Variants in ALS2 observed in about 807,000 individuals in gnomAD.
ALS2 encodes the protein alsin Rho guanine nucleotide exchange factor ALS2, also known as alsin.
ALS2 carries 117 observed loss-of-function variants against 203.4 expected under a neutral mutation model. The ratio of observed to expected loss-of-function variants is 0.58; its 90% CI spans 0.50 to 0.67. ALS2 has a LOEUF of 0.67. Ranked by LOEUF, ALS2 falls within the 30% of genes least tolerant of loss-of-function variation. The pLI, the probability that ALS2 is intolerant of heterozygous loss-of-function variation, is 0.00. For missense variants in ALS2, 1,715 were observed against 1,989.4 expected, an observed-to-expected ratio of 0.86 and a Z score of 2.62; for synonymous variants, 718 against 725.9, an observed-to-expected ratio of 0.99 and a Z score of 0.17.
At chr2:201,743,834 CAAAT>C in intron 10 of ALS2, among the ~76,000 whole-genome samples, 1 of 152,186 alleles carries the variant, frequency 6.6e-6, no homozygotes, top group East Asian at 1.9e-4. Context: ...CTTGTAAATC[CAAAT>C]AAATCTCTAC....
intron 25 of ALS2, among the ~76,000 whole-genome samples, chr2:201,713,822 T>C (rs984839832): frequency 2.0e-5 from 3 of 152,250 alleles, no homozygotes; most frequent in African/African-American, 7.2e-5. Flanking sequence ...ATTGATTCTC[T>C]TTCCTGAAAT....
At chr2:201,764,094 G>A (rs567123108) in intron 3 of ALS2, among the ~76,000 whole-genome samples, 1 of 152,118 alleles carries the variant, frequency 6.6e-6, no homozygotes, top group Admixed American at 6.5e-5. Flanking sequence ...CTCAATAGTG[G>A]CTACAGGGAA....
At chr2:201,780,667 C>A (rs1040957823) in intron 1 of ALS2, among the ~76,000 whole-genome samples, 6 of 152,238 alleles carry the variant, frequency 3.9e-5, no homozygotes, top group African/African-American at 1.4e-4. Context: ...GCAGGGGCCG[C>A]CTCGGGCGCT....
chr2:201,709,249 A>G (rs1689892933), intron 27 of ALS2, among the ~76,000 whole-genome samples: 1 of 152,106 alleles, frequency 6.6e-6, no homozygotes, highest in African/African-American at 2.4e-5. Flanking sequence ...CCTTCTCTTC[A>G]AAATAATAGC....
chr2:201,728,807 AG>A (rs1691356949), intron 14 of ALS2, among the ~76,000 whole-genome samples, 167 bp from the exon 15 acceptor site: 1 of 151,566 alleles, frequency 6.6e-6, no homozygotes, highest in Non-Finnish European at 1.5e-5. Context: ...ACAAAATTAG[AG>A]CTCAAAGGAG....
Position 201,726,587 on chromosome 2 carries a change from A to AT in ALS2, c.3183-39dup, listed in dbSNP as rs778341906. 2.1e-5 allele frequency: 33 copies of AT among 1,609,172 alleles called. No homozygotes were observed. The African/African-American group carries it at 4.3e-4, about 21-fold the overall frequency. On this transcript the variant is annotated intron_variant, in intron 18 of 33. Transcript: ENST00000264276. ...AGCAAAGAATAATGCATGTCAACTA[A>AT]TATTTCAGATAATTAATACTTTTTC...
chr2:201,749,508 C>G (rs1179019601), intron 8 of ALS2, among the ~76,000 whole-genome samples: 1 of 151,992 alleles, frequency 6.6e-6, no homozygotes, highest in Non-Finnish European at 1.5e-5. Context: ...ACAGTTGAAG[C>G]TAAGAAATAT....
chr2:201,762,410 T>C (rs1487269391), intron 3 of ALS2, among the ~76,000 whole-genome samples: 1 of 152,214 alleles, frequency 6.6e-6, no homozygotes, highest in African/African-American at 2.4e-5. Flanking sequence ...TATATATAGT[T>C]TTGAGATGTT....
intron 2 of ALS2, among the ~76,000 whole-genome samples, 170 bp downstream of exon 2, chr2:201,768,696 T>C (rs1694227829): frequency 6.6e-6 from 1 of 152,186 alleles, no homozygotes; most frequent in Non-Finnish European, 1.5e-5. Context: ...AGCTTACAAC[T>C]AACAAGCCTT....
intron 25 of ALS2, among the ~76,000 whole-genome samples, chr2:201,711,683 C>A (rs534361104): frequency 1.2e-4 from 18 of 152,280 alleles, no homozygotes; most frequent in African/African-American, 4.1e-4. Flanking sequence ...AGAAAACACA[C>A]GCTAGTAATC....
At chr2:201,739,192 T>TGGTGCCACTGCAC in intron 11 of ALS2, among the ~76,000 whole-genome samples, 5 of 137,554 alleles carry the variant, frequency 3.6e-5, no homozygotes, top group African/African-American at 8.5e-5. Flanking sequence ...TGAGCTGTGA[T>TGGTGCCACTGCAC]TCCAACATTG....
At position 201,715,686 on chromosome 2, in the gene ALS2, G is replaced by A; in HGVS notation, c.3990C>T (p.Arg1330=). 1 of 1,614,130 alleles carries A rather than the reference G, an allele frequency of 6.2e-7. No individual in the cohort carries two copies. The highest frequency in any genetic ancestry group is 8.5e-7 in the Non-Finnish European group (1 of 1,180,036). The change falls in exon 25 of 34, where the codon CGC becomes CGT. Residue 1330 remains arginine (R), a synonymous_variant. Coordinates refer to ENST00000264276, the MANE Select transcript of ALS2 (RefSeq NM_020919.4). ...TGTTCACTCACCTGTCTCTGTGCTGGCGCCGACTGGTGGTCAAGGCCACAG... is the reference window on the plus strand; with the variant it reads ...TGTTCACTCACCTGTCTCTGTGCTGACGCCGACTGGTGGTCAAGGCCACAG... ...NIAVALTTSR[R]QHRDSPEILS... is the part of the protein sequence containing the mutation.
At chr2:201,777,690 T>A (rs1307326269) in intron 1 of ALS2, among the ~76,000 whole-genome samples, 1 of 152,170 alleles carries the variant, frequency 6.6e-6, no homozygotes, top group Non-Finnish European at 1.5e-5. Context: ...AGTTAATGTA[T>A]CCCATTCCCA....
Position 201,723,082 on chromosome 2 carries a change from A to G in ALS2, c.3663T>C (p.Tyr1221=). The change falls in exon 23 of 34, where the codon TAT becomes TAC. Residue 1221 remains tyrosine (Y), a synonymous_variant. Transcript: ENST00000264276. ...GVLLSEDDTI[Y]EGEFSDDWTL... ...TCCAGTCATCTGAAAATTCTCCTTCATAGATAGTATCATCTTCGGAAAGCA... is the reference window on the plus strand; with the variant it reads ...TCCAGTCATCTGAAAATTCTCCTTCGTAGATAGTATCATCTTCGGAAAGCA... 1.2e-6 allele frequency: 2 copies of G among 1,613,796 alleles called. No individual in the cohort carries two copies. The highest frequency in any genetic ancestry group is 1.3e-5 in the African/African-American group (1 of 75,062).
intron 5 of ALS2, among the ~76,000 whole-genome samples, chr2:201,756,758 G>A (rs1693424101): frequency 6.6e-6 from 1 of 152,200 alleles, no homozygotes; most frequent in Non-Finnish European, 1.5e-5. Context: ...TCAGACTTTA[G>A]TGTGCATACT....
intron 3 of ALS2, chr2:201,762,742 A>T (rs1446345513): frequency 6.6e-6 from 1 of 152,382 alleles, no homozygotes; most frequent in African/African-American, 2.4e-5. Flanking sequence ...ATCAAATGGC[A>T]GATGAAGCTA....
chr2:201,756,279 T>C (rs10211223), intron 5 of ALS2, among the ~76,000 whole-genome samples: 30,579 of 151,050 alleles, frequency 0.2, 3,419 homozygotes, highest in East Asian at 0.4. Context: ...ATAGAGATCA[T>C]AGGCCTTCTT....
intron 8 of ALS2, among the ~76,000 whole-genome samples, chr2:201,748,115 A>C (rs1295281799): frequency 1.3e-5 from 2 of 152,122 alleles, no homozygotes; most frequent in Non-Finnish European, 2.9e-5. Context: ...TAGTTTCAGC[A>C]CTGACTCCTG....
chr2:201,723,295 A>C, intron 22 of ALS2, 35 bp downstream of exon 22: 1 of 1,537,836 alleles, frequency 6.5e-7, no homozygotes. Flanking sequence ...AGCTTTAAAA[A>C]GTTAGTAATA....
Sources: allele counts gnomAD v4.1 joint callset (sites outside exome capture counted in the v4.1 genomes callset), GRCh38; gene constraint gnomAD v4.1.1; transcripts MANE v1.5; gene names NCBI Gene and HGNC (gene_info 2026-07-23, HGNC 2026-07-21).